Variants in ZNF721 observed in about 807,000 individuals in gnomAD.
ZNF721 encodes the protein zinc finger protein 721.
Under a neutral mutation model 2.4 loss-of-function variants are expected in ZNF721, and 2 were observed. The observed-to-expected ratio is 0.82, with a 90% CI of 0.34 to 2.58. The LOEUF (loss-of-function observed/expected upper bound fraction) is 2.58, where lower values mean the gene tolerates loss of function less well. ZNF721 is among the 30% of genes most tolerant of loss of function. The pLI, the probability that ZNF721 is intolerant of heterozygous loss-of-function variation, is 0.11. For missense variants in ZNF721, 1,187 were observed against 1,085.5 expected (o/e 1.09, Z -1.31); for synonymous variants, 398 against 381.8 (o/e 1.04, Z -0.50).
At chr4:451,636 T>C (rs1317330846) in intron 2 of ZNF721, among the ~76,000 whole-genome samples, 1 of 152,230 alleles carries the variant, frequency 6.6e-6, no homozygotes, top group African/African-American at 2.4e-5. Context: ...TTACATTTGC[T>C]TATTTTATTC....
At chr4:473,056 A>C (rs541133867) in intron 1 of ZNF721, among the ~76,000 whole-genome samples, 29 of 152,256 alleles carry the variant, frequency 1.9e-4, no homozygotes, top group African/African-American at 6.3e-4. Context: ...AATTTAAAAA[A>C]CAGAAATGTT....
chr4:441,056 T>A lies in ZNF721; in HGVS notation c.*639A>T, dbSNP rs1251386819. 6.6e-6 allele frequency: 1 copy of A among 152,270 alleles called. No individual in the cohort carries two copies. The highest frequency in any genetic ancestry group is 2.4e-5 in the African/African-American group (1 of 41,470). The allele number at this position is 152,270 out of a possible 1,614,324, so 9.4% of individuals were successfully genotyped here. Reference sequence around the variant, plus strand: ...CTCTCCAATATAAATTCTCTGATGTTGAACAAAGTTTAAGCAACTGCTTCA... The same window carrying A: ...CTCTCCAATATAAATTCTCTGATGTAGAACAAAGTTTAAGCAACTGCTTCA... On this transcript the variant is annotated 3_prime_UTR_variant, in exon 3 of 3. Transcript: ENST00000511833.
At position 443,612 on chromosome 4, in the gene ZNF721, G is replaced by A. The variant is rs373050502; in HGVS notation, c.855C>T (p.Ala285=). Reference sequence around the variant, plus strand: ...TAGTAAGGGTTGTGGAAATATTAAAGGCTTTACCACATTCTAAACATTTAA... The same window carrying A: ...TAGTAAGGGTTGTGGAAATATTAAAAGCTTTACCACATTCTAAACATTTAA... ...KPFKCLECGK[A]FNISTTLTKH... Residue 285 remains alanine, a synonymous_variant, in exon 3 of 3, where the codon GCC becomes GCT. Coordinates refer to ENST00000511833, the MANE Select transcript of ZNF721 (RefSeq NM_133474.4). The A allele has an allele frequency of 1.9e-5, 31 of 1,613,620 alleles. No individual in the cohort carries two copies. The highest frequency in any genetic ancestry group is 2.5e-5 in the Non-Finnish European group (30 of 1,179,874).
chr4:468,773 T>C (rs1041949042), intron 2 of ZNF721, among the ~76,000 whole-genome samples: 1 of 152,222 alleles, frequency 6.6e-6, no homozygotes, highest in Admixed American at 6.5e-5. Flanking sequence ...AAACAGATTA[T>C]ACAAACTGTA....
intron 2 of ZNF721, among the ~76,000 whole-genome samples, chr4:462,769 C>T (rs1371807916): frequency 1.3e-5 from 2 of 152,096 alleles, no homozygotes; most frequent in African/African-American, 2.4e-5. Context: ...GGATTAAAGA[C>T]GTAAATGTAA....
rs189820389 is a variant in ZNF721 at position 495,793 on chromosome 4, G to A, written c.-94+3263C>T. Among the ~76,000 whole-genome samples the A allele has an allele frequency of 1.6e-3, 245 of 152,070 alleles. 2 individuals are homozygous for A. Among genetic ancestry groups the A allele is most frequent in the Non-Finnish European group, 3.1e-3 (208 of 67,980 alleles). ...AATTTTTTGTATTTTTAGTGGAGAC[G>A]GGGTTTCACCATGTTGGCCAGGATG... On this transcript the variant is annotated intron_variant, in intron 1 of 2. Coordinates refer to ENST00000511833, the MANE Select transcript of ZNF721 (RefSeq NM_133474.4).
intron 2 of ZNF721, among the ~76,000 whole-genome samples, chr4:458,512 C>T (rs1714913548): frequency 6.6e-6 from 1 of 152,136 alleles, no homozygotes; most frequent in Non-Finnish European, 1.5e-5. Context: ...CATAACACCA[C>T]TAAAGGAAAC....
chr4:487,032 T>A (rs1715914985), intron 1 of ZNF721, among the ~76,000 whole-genome samples: 1 of 152,202 alleles, frequency 6.6e-6, no homozygotes, highest in Admixed American at 6.5e-5. Flanking sequence ...CCAACGTTGA[T>A]CCTGAGTCCC....
intron 1 of ZNF721, among the ~76,000 whole-genome samples, chr4:495,366 G>A (rs1576975894): frequency 2.9e-5 from 4 of 136,934 alleles, no homozygotes; most frequent in South Asian, 2.3e-4. Flanking sequence ...TCCTAGGAGA[G>A]AAAAACAAAA....
chr4:443,093 C>T lies in ZNF721; in HGVS notation c.1374G>A (p.Leu458=), dbSNP rs1714326156. Residue 458 remains leucine (L), a synonymous_variant, in exon 3 of 3, where the codon TTG becomes TTA. Coordinates refer to ENST00000511833, the MANE Select transcript of ZNF721 (RefSeq NM_133474.4). Reference sequence around the variant, plus strand: ...GAATTTTCTCATGTTTATTCAGGTGCAAGGAATGTATAAAGGCTTTCCCAC... The same window carrying T: ...GAATTTTCTCATGTTTATTCAGGTGTAAGGAATGTATAAAGGCTTTCCCAC... ...KECGKAFIHS[L]HLNKHEKIHT... 5 of 1,613,606 alleles carry T rather than the reference C, an allele frequency of 3.1e-6. No homozygotes were observed. Among genetic ancestry groups the T allele is most frequent in the Non-Finnish European group, 4.2e-6 (5 of 1,179,750 alleles).
At chr4:485,515 A>G (rs1470478731) in intron 1 of ZNF721, among the ~76,000 whole-genome samples, 1 of 152,080 alleles carries the variant, frequency 6.6e-6, no homozygotes, top group Non-Finnish European at 1.5e-5. Context: ...TAGAGAACAA[A>G]GGCGGGACTG....
chr4:465,435 GTTTTTTT>G (rs144460748), intron 2 of ZNF721, among the ~76,000 whole-genome samples: 1 of 139,004 alleles, frequency 7.2e-6, no homozygotes, highest in African/African-American at 2.8e-5. Flanking sequence ...TTTGTTTTTT[GTTTTTTT>G]TTTTTTTGAG....
rs576257864 is a variant in ZNF721, at chr4:460,992, T to C, written c.34+11583A>G. On this transcript the variant is annotated intron_variant, in intron 2 of 2. Transcript: ENST00000511833. ...CCAAAAAAAGCCAGGACCAGATGGA[T>C]TCACAGCCAAATTCTACTAACGGTA... is the stretch of plus-strand genomic sequence containing the variant. 5.3e-5 allele frequency among the ~76,000 whole-genome samples: 8 copies of C among 152,240 alleles called. 1 individual carries two copies. In the East Asian group the frequency reaches 1.5e-3, roughly 29 times the overall value.
chr4:477,555 A>C (rs975138027), intron 1 of ZNF721, among the ~76,000 whole-genome samples: 1 of 152,076 alleles, frequency 6.6e-6, no homozygotes, highest in African/African-American at 2.4e-5. Context: ...GAGTTATCTC[A>C]TATCACCAGG....
Position 441,663 on chromosome 4 carries a change from T to C in ZNF721, c.*32A>G, listed in dbSNP as rs181472841. ...TGAGTTCTCTTATGTTTAAGAATGC[T>C]GTAGTATGACTTAAAGGCTTTGCCA... On this transcript the variant is annotated 3_prime_UTR_variant, in exon 3 of 3. Transcript: ENST00000511833. The C allele has an allele frequency of 2.2e-5, 34 of 1,534,252 alleles. No homozygotes were observed. Among genetic ancestry groups the C allele is most frequent in the Non-Finnish European group, 2.9e-5 (33 of 1,130,600 alleles).
At position 443,345 on chromosome 4, in the gene ZNF721, T is replaced by C; in HGVS notation, c.1122A>G (p.Thr374=). The change falls in exon 3 of 3, where the codon ACA becomes ACG. Residue 374 remains threonine, a synonymous_variant. Coordinates refer to ENST00000511833, the MANE Select transcript of ZNF721 (RefSeq NM_133474.4). ...GAATTTTCTTGTGTTGATTCAGGGC[T>C]GTGTACCGTCCAAAGGCTTTGCCAC... ...EDCGKAFGRY[T]ALNQHKKIHT... is the part of the protein sequence containing the mutation. The C allele has an allele frequency of 6.2e-7, 1 of 1,614,068 alleles. No individual in the cohort carries two copies. The highest frequency in any genetic ancestry group is 8.5e-7 in the Non-Finnish European group (1 of 1,179,968).
intron 1 of ZNF721, among the ~76,000 whole-genome samples, chr4:496,602 G>C (rs1284477488): frequency 6.0e-5 from 9 of 150,728 alleles, no homozygotes; most frequent in Non-Finnish European, 1.0e-4. Context: ...GGTCAAATCC[G>C]ATAAGGGAAA....
At chr4:462,965 CAACCTACAGA>C (rs1468786227) in intron 2 of ZNF721, among the ~76,000 whole-genome samples, 1 of 152,160 alleles carries the variant, frequency 6.6e-6, no homozygotes, top group Non-Finnish European at 1.5e-5. Flanking sequence ...AGTGAACAGG[CAACCTACAGA>C]ATGGGAGAAA....
intron 1 of ZNF721, among the ~76,000 whole-genome samples, chr4:482,912 C>G (rs1553869754): frequency 6.6e-6 from 1 of 152,178 alleles, no homozygotes; most frequent in African/African-American, 2.4e-5. Flanking sequence ...TATATTGTAT[C>G]AAAATCTGTA....
Sources: gnomAD v4.1 joint callset for allele counts (sites outside exome capture counted in the v4.1 genomes callset) on GRCh38, gnomAD v4.1.1 for gene constraint, MANE v1.5 for transcripts, NCBI Gene and HGNC (gene_info 2026-07-23, HGNC 2026-07-21) for gene names.